The following ZNF736 variants were observed in gnomAD, a reference collection of about 807,000 sequenced individuals.
ZNF736 encodes the protein zinc finger protein 736.
Under a neutral mutation model 11.7 loss-of-function variants are expected in ZNF736, and 6 were observed. The ratio of observed to expected loss-of-function variants is 0.51; its 90% CI spans 0.28 to 1.01. The LOEUF (loss-of-function observed/expected upper bound fraction) is 1.01, where lower values mean the gene tolerates loss of function less well. Ranked by LOEUF, ZNF736 falls within the 50% of genes least tolerant of loss-of-function variation. ZNF736 has a pLI of 0.09. For missense variants in ZNF736, 444 were observed against 496.0 expected (o/e 0.90, Z 1.00); for synonymous variants, 139 against 164.7 (o/e 0.84, Z 1.19).
chr7:64,332,746 T>C (rs1010954728), intron 1 of ZNF736, among the ~76,000 whole-genome samples: 1 of 152,126 alleles, frequency 6.6e-6, no homozygotes, highest in African/African-American at 2.4e-5. Flanking sequence ...CAGGAGTGCA[T>C]TCCTTTCCCA....
chr7:64,352,173 G>T lies in ZNF736; in HGVS notation c.*3026G>T, dbSNP rs649475. Reference sequence around the variant, plus strand: ...GTAACAGTCCGACCACTTCTGAAGGGCTGCTGCAGTATGCTGGGTGTCCAC... The same window carrying T: ...GTAACAGTCCGACCACTTCTGAAGGTCTGCTGCAGTATGCTGGGTGTCCAC... On this transcript the variant is annotated 3_prime_UTR_variant, in exon 4 of 4. Coordinates refer to ENST00000423484, the MANE Select transcript of ZNF736 (RefSeq NM_001170905.3). The T allele has an allele frequency of 0.26, 39,963 of 152,156 alleles. 6,333 individuals carry two copies. Among genetic ancestry groups the T allele is most frequent in the South Asian group, 0.4 (1,902 of 4,812 alleles). 9.4% of individuals were successfully genotyped at this position (152,156 alleles called of 1,614,324 possible). A position where few individuals can be genotyped will look rare whatever the true frequency, so the allele number is the denominator to read the frequency against.
At chr7:64,327,778 G>A (rs1042120598) in intron 1 of ZNF736, among the ~76,000 whole-genome samples, 1 of 152,006 alleles carries the variant, frequency 6.6e-6, no homozygotes, top group African/African-American at 2.4e-5. Flanking sequence ...TAAACGGATG[G>A]CAACTTAACA....
Position 64,348,221 on chromosome 7 carries a change from G to A in ZNF736, c.358G>A (p.Val120Met), listed in dbSNP as rs1160664402. The A allele has an allele frequency of 1.3e-6, 2 of 1,551,878 alleles. No homozygotes were observed. The highest frequency in any genetic ancestry group is 1.7e-6 in the Non-Finnish European group (2 of 1,146,896). ...NLHLKKDYQSVGNCKGQKSSY... is the reference protein window; with the variant it reads ...NLHLKKDYQSMGNCKGQKSSY... ...ACATTTAAAGAAAGACTACCAAAGT[G>A]TGGGTAATTGCAAGGGGCAGAAAAG... The change falls in exon 4 of 4, where the codon GTG (valine) becomes ATG (methionine). Residue 120 changes from valine (V) to methionine (M), a missense_variant. Coordinates refer to ENST00000423484, the MANE Select transcript of ZNF736 (RefSeq NM_001170905.3).
At chr7:64,315,621 G>A (rs1788905841) in intron 1 of ZNF736, among the ~76,000 whole-genome samples, 1 of 152,102 alleles carries the variant, frequency 6.6e-6, no homozygotes. Context: ...AGGGCACCAT[G>A]GCCACTTCAG....
intron 1 of ZNF736, among the ~76,000 whole-genome samples, chr7:64,330,760 G>A (rs1230261932): frequency 6.6e-6 from 1 of 152,270 alleles, no homozygotes; most frequent in Non-Finnish European, 1.5e-5. Flanking sequence ...TTACTCAGCA[G>A]GTGATGAATG....
chr7:64,343,953 C>CTTTTTTTTTTTTTTTTTTTTTTTGTTT (rs142010013), intron 3 of ZNF736, among the ~76,000 whole-genome samples: 1 of 147,982 alleles, frequency 6.8e-6, no homozygotes, highest in African/African-American at 2.5e-5. Flanking sequence ...TGTATATTTG[C>CTTTTTTTTTTTTTTTTTTTTTTTGTTT]TTTTTTTTTT....
intron 1 of ZNF736, among the ~76,000 whole-genome samples, chr7:64,320,687 T>A (rs1435120100): frequency 6.6e-6 from 1 of 152,182 alleles, no homozygotes; most frequent in Non-Finnish European, 1.5e-5. Context: ...AACAGGCATT[T>A]TGAACATTTA....
At chr7:64,326,175 A>C (rs10238846) in intron 1 of ZNF736, among the ~76,000 whole-genome samples, 44,010 of 152,042 alleles carry the variant, frequency 0.29, 6,410 homozygotes, top group East Asian at 0.35. Context: ...TTTTGTTTTT[A>C]ATTATGTTTT....
chr7:64,316,753 T>A lies in ZNF736; in HGVS notation c.3+2600T>A, dbSNP rs567352666. ...AGAGCTTGAAAGATTAAAAAAAAAA[T>A]TTTCTAAAAGAAAAGAGGTAGATTT... On this transcript the variant is annotated intron_variant, in intron 1 of 3. Transcript: ENST00000423484. Among the ~76,000 whole-genome samples, 1,075 of 152,190 alleles carry A rather than the reference T, an allele frequency of 7.1e-3. 8 individuals are homozygous for A. Among genetic ancestry groups the A allele is most frequent in the African/African-American group, 0.024 (1,003 of 41,532 alleles).
Position 64,319,315 on chromosome 7 carries a change from ATG to A in ZNF736, c.3+5174_3+5175del, listed in dbSNP as rs1163181565. ...TATGTATGTGTGTGTGTGTATATGT[ATG>A]TGTGTGTGTGTATGTGTATATATAT... On this transcript the variant is annotated intron_variant, in intron 1 of 3. Transcript: ENST00000423484. Among the ~76,000 whole-genome samples, 81 of 82,800 alleles carry A rather than the reference ATG, an allele frequency of 9.8e-4. 1 individual carries two copies. The highest frequency in any genetic ancestry group is 3.2e-3 in the African/African-American group (66 of 20,640). The allele number at this position is 82,800 out of a possible 152,430, so 54.3% of individuals were successfully genotyped here.
At chr7:64,327,342 CT>C (rs1378713843) in intron 1 of ZNF736, among the ~76,000 whole-genome samples, 1 of 152,142 alleles carries the variant, frequency 6.6e-6, no homozygotes, top group Non-Finnish European at 1.5e-5. Flanking sequence ...TATTCCTCCT[CT>C]TTTTTGTTTC....
Position 64,353,368 on chromosome 7 carries a change from A to G in ZNF736, c.*4221A>G, listed in dbSNP as rs903837270. 6.6e-6 allele frequency: 1 copy of G among 152,216 alleles called. No homozygotes were observed. The highest frequency in any genetic ancestry group is 1.5e-5 in the Non-Finnish European group (1 of 68,054). The allele number at this position is 152,216 out of a possible 1,614,324, so 9.4% of individuals were successfully genotyped here. ...TGGATGTTTCAGTTGCAGGTGCTGT[A>G]TTTATGTATACCTTGCATTCCTGTC... On this transcript the variant is annotated 3_prime_UTR_variant, in exon 4 of 4. Transcript: ENST00000423484.
At chr7:64,320,781 AAAG>A (rs1475369299) in intron 1 of ZNF736, among the ~76,000 whole-genome samples, 2 of 152,210 alleles carry the variant, frequency 1.3e-5, no homozygotes, top group African/African-American at 4.8e-5. Context: ...GGCAAAACAG[AAAG>A]AAGGCCTTTC....
rs1346291402 is a variant in ZNF736 at position 64,349,749 on chromosome 7, T to C, written c.*602T>C. The C allele has an allele frequency of 6.6e-6, 1 of 152,334 alleles. No homozygotes were observed. Among genetic ancestry groups the C allele is most frequent in the Non-Finnish European group, 1.5e-5 (1 of 68,126 alleles). The allele number at this position is 152,334 out of a possible 1,614,324, so 9.4% of individuals were successfully genotyped here. ...TCTTCAGAAGCTCTTTTAAGACAGA[T>C]CCTGTGGTAACATTTTCTCAGCATT... On this transcript the variant is annotated 3_prime_UTR_variant, in exon 4 of 4. Coordinates refer to ENST00000423484, the MANE Select transcript of ZNF736 (RefSeq NM_001170905.3).
chr7:64,348,537 G>A lies in ZNF736; in HGVS notation c.674G>A (p.Gly225Glu). ...ACTGAACATAAGAGAGTTCATACTG[G>A]AGAGAAACCTTACAAATGTGAAGGA... ...NLTEHKRVHT[G>E]EKPYKCEGCG... Residue 225 changes from glycine to glutamate, a missense_variant, in exon 4 of 4, where the codon GGA becomes GAA. By Grantham distance (98) the Gly-to-Glu change is moderately conservative. Transcript: ENST00000423484. The A allele has an allele frequency of 1.3e-6, 2 of 1,583,568 alleles. No individual in the cohort carries two copies. The highest frequency in any genetic ancestry group is 1.7e-6 in the Non-Finnish European group (2 of 1,164,876).
chr7:64,337,913 C>A (rs561981047), intron 3 of ZNF736, among the ~76,000 whole-genome samples: 2 of 152,014 alleles, frequency 1.3e-5, no homozygotes, highest in Admixed American at 1.3e-4. Flanking sequence ...TGCCACCACA[C>A]CCGGCTAATT....
intron 1 of ZNF736, among the ~76,000 whole-genome samples, chr7:64,335,411 C>T (rs1405136036): frequency 6.6e-6 from 1 of 152,110 alleles, no homozygotes; most frequent in Admixed American, 6.5e-5. Context: ...ATTGTTGACC[C>T]TTTTTTGTGT....
intron 3 of ZNF736, among the ~76,000 whole-genome samples, chr7:64,338,593 A>G (rs1011359057): frequency 6.6e-6 from 1 of 152,116 alleles, no homozygotes; most frequent in Non-Finnish European, 1.5e-5. Flanking sequence ...GAGATCATAC[A>G]GTATTTGTCT....
intron 1 of ZNF736, among the ~76,000 whole-genome samples, chr7:64,319,305 G>A (rs1788960957): frequency 7.3e-6 from 1 of 137,210 alleles, no homozygotes; most frequent in African/African-American, 2.7e-5. Context: ...ATGTGTGTGT[G>A]TGTATATGTA....
Sources: allele counts gnomAD v4.1 joint callset (sites outside exome capture counted in the v4.1 genomes callset), GRCh38; gene constraint gnomAD v4.1.1; transcripts MANE v1.5; gene names NCBI Gene and HGNC (gene_info 2026-07-23, HGNC 2026-07-21).